The following CCDC7 variants were observed in gnomAD, a reference collection of about 807,000 sequenced individuals.
CCDC7 encodes the protein coiled-coil domain containing 7.
A neutral mutation model predicts 196.9 loss-of-function variants in CCDC7; 183 were observed. The observed-to-expected ratio is 0.93, with a 90% confidence interval of 0.82 to 1.05. CCDC7 has a LOEUF of 1.05. Among genes scored for constraint, CCDC7 ranks in the 50% least tolerant of loss-of-function variants. The pLI, the probability that CCDC7 is intolerant of heterozygous loss-of-function variation, is 0.00. For synonymous variants in CCDC7, 525 were observed against 484.6 expected (o/e 1.08, Z -1.10); for missense variants, 1,540 against 1,482.2 (o/e 1.04, Z -0.64).
At chr10:32,511,957 A>T in intron 9 of CCDC7, 1 of 548,838 alleles carries the variant, frequency 1.8e-6, no homozygotes, top group Non-Finnish European at 3.2e-6. Context: ...TTATGCATAA[A>T]TTTATATAGT....
chr10:32,789,578 A>G (rs2082377654), intron 29 of CCDC7, among the ~76,000 whole-genome samples: 3 of 151,812 alleles, frequency 2.0e-5, no homozygotes. Context: ...AAAAAACCCT[A>G]CAAGAATTAT....
At chr10:32,782,368 C>G (rs1592703874) in intron 29 of CCDC7, among the ~76,000 whole-genome samples, 1 of 152,052 alleles carries the variant, frequency 6.6e-6, no homozygotes. Flanking sequence ...GCTGGAATTA[C>G]GGGCACATGC....
Position 32,479,450 on chromosome 10 carries a change from C to G in CCDC7, c.796+5427C>G, listed in dbSNP as rs529156546. Among the ~76,000 whole-genome samples the G allele has an allele frequency of 4.6e-4, 70 of 152,030 alleles. 1 individual carries two copies. The South Asian group carries it at 5.8e-3, about 13-fold the overall frequency. Reference sequence around the variant, plus strand: ...TGTTGAATTTTTTCAAATGTTTTTCCCCATATATTGAGGCTATCATATGAT... The same window carrying G: ...TGTTGAATTTTTTCAAATGTTTTTCGCCATATATTGAGGCTATCATATGAT... On this transcript the variant is annotated intron_variant, in intron 8 of 41. Coordinates refer to ENST00000639629, the Ensembl canonical transcript of CCDC7.
intron 28 of CCDC7, among the ~76,000 whole-genome samples, chr10:32,738,038 G>T (rs1259034969): frequency 9.9e-5 from 15 of 151,990 alleles, no homozygotes; most frequent in Admixed American, 9.8e-4. Context: ...TGACATATTT[G>T]CTTCAATATC....
chr10:32,561,672 G>C (rs980263505), intron 13 of CCDC7, among the ~76,000 whole-genome samples: 1 of 152,168 alleles, frequency 6.6e-6, no homozygotes, highest in East Asian at 1.9e-4. Context: ...GAAATTTATA[G>C]CACTAAATGC....
intron 18 of CCDC7, among the ~76,000 whole-genome samples, chr10:32,619,576 C>T (rs1057477918): frequency 4.6e-5 from 7 of 151,808 alleles, no homozygotes; most frequent in Admixed American, 1.3e-4. Flanking sequence ...AGTAATTAGC[C>T]CTACCAGATC....
chr10:32,500,643 G>C (rs575501215), intron 9 of CCDC7, among the ~76,000 whole-genome samples: 9 of 152,276 alleles, frequency 5.9e-5, no homozygotes, highest in African/African-American at 1.9e-4. Flanking sequence ...CCAAGATGGG[G>C]TGGCGGCCGG....
At chr10:32,547,269 C>T (rs1488079222) in intron 13 of CCDC7, among the ~76,000 whole-genome samples, 2 of 152,156 alleles carry the variant, frequency 1.3e-5, no homozygotes, top group Non-Finnish European at 2.9e-5. Flanking sequence ...TCAAATGATC[C>T]TCCTGCCTCA....
downstream of CCDC7, among the ~76,000 whole-genome samples, chr10:32,881,038 C>T (rs760583414): frequency 3.9e-5 from 6 of 152,156 alleles, no homozygotes; most frequent in Non-Finnish European, 8.8e-5. Flanking sequence ...TTTGATGCCA[C>T]AGTACTTTTT....
chr10:32,709,325 TG>T (rs932972023), intron 24 of CCDC7, among the ~76,000 whole-genome samples: 18 of 65,672 alleles, frequency 2.7e-4, no homozygotes, highest in African/African-American at 1.1e-3. Flanking sequence ...CTATCGTGGG[TG>T]GGGGGAGGGG....
At chr10:32,579,415 C>A (rs1479675309) in intron 16 of CCDC7, among the ~76,000 whole-genome samples, 1 of 152,008 alleles carries the variant, frequency 6.6e-6, no homozygotes, top group Non-Finnish European at 1.5e-5. Flanking sequence ...AGATAATTAT[C>A]CAACTAATAT....
At chr10:32,517,238 A>C (rs558733791) in intron 9 of CCDC7, among the ~76,000 whole-genome samples, 1 of 152,312 alleles carries the variant, frequency 6.6e-6, no homozygotes, top group Non-Finnish European at 1.5e-5. Context: ...ATTAGCGCTT[A>C]AAAAAACTGG....
At chr10:32,861,218 A>G (rs2093971951) in intron 41 of CCDC7, among the ~76,000 whole-genome samples, 1 of 152,110 alleles carries the variant, frequency 6.6e-6, no homozygotes, top group Non-Finnish European at 1.5e-5. Flanking sequence ...TGGTACCAAA[A>G]CAGATATATA....
intron 25 of CCDC7, among the ~76,000 whole-genome samples, chr10:32,725,124 G>C (rs920975411): frequency 6.6e-6 from 1 of 152,018 alleles, no homozygotes; most frequent in Non-Finnish European, 1.5e-5. Flanking sequence ...TAGAAATCAT[G>C]AGATCTCTTG....
chr10:32,800,329 C>G (rs1486493783), intron 29 of CCDC7, among the ~76,000 whole-genome samples: 2 of 152,098 alleles, frequency 1.3e-5, no homozygotes, highest in African/African-American at 2.4e-5. Context: ...CCATAACAGC[C>G]CTCACTTTAC....
At chr10:32,729,541 C>T in intron 28 of CCDC7, 84 bp downstream of exon 29, 1 of 583,176 alleles carries the variant, frequency 1.7e-6, no homozygotes, top group Non-Finnish European at 2.8e-6. Context: ...ATGCCTTCAA[C>T]CATATGCTTC....
intron 13 of CCDC7, among the ~76,000 whole-genome samples, chr10:32,555,816 C>G (rs576115762): frequency 1.3e-5 from 2 of 152,298 alleles, no homozygotes; most frequent in South Asian, 4.1e-4. Flanking sequence ...CATTATTTCT[C>G]ATAGTTGCTG....
At chr10:32,447,453 C>T (rs1256601956), upstream of CCDC7, among the ~76,000 whole-genome samples, 1 of 152,096 alleles carries the variant, frequency 6.6e-6, no homozygotes, top group Admixed American at 6.5e-5. Context: ...TTGCTTGGAC[C>T]TGAAGGTTTT....
intron 28 of CCDC7, among the ~76,000 whole-genome samples, chr10:32,759,056 A>G (rs910436829): frequency 6.6e-5 from 10 of 152,198 alleles, no homozygotes; most frequent in Non-Finnish European, 1.3e-4. Flanking sequence ...GGACCTCTTC[A>G]AGGAGAACTA....
Sources: gnomAD v4.1 joint callset for allele counts (sites outside exome capture counted in the v4.1 genomes callset) on GRCh38, gnomAD v4.1.1 for gene constraint, MANE v1.5 for transcripts, NCBI Gene and HGNC (gene_info 2026-07-23, HGNC 2026-07-21) for gene names.